BICRA: variants seen among roughly 807,000 people sequenced by gnomAD.
The protein encoded by BICRA is BRD4-interacting chromatin-remodeling complex-associated protein.
In BICRA, 31 loss-of-function variants were observed where a neutral mutation model predicts 96.9. The ratio of observed to expected loss-of-function variants is 0.32; its 90% confidence interval spans 0.24 to 0.43. BICRA has a LOEUF of 0.43. BICRA is among the 20% of genes least tolerant of loss of function. The pLI is 1.00. For synonymous variants in BICRA, 1,350 were observed against 1,071.8 expected, an observed-to-expected ratio of 1.26 and a Z score of -5.07; for missense variants, 2,283 against 2,190.3, an observed-to-expected ratio of 1.04 and a Z score of -0.84.
intron 4 of BICRA, among the ~76,000 whole-genome samples, chr19:47,674,647 C>T: frequency 6.6e-6 from 1 of 152,172 alleles, no homozygotes; most frequent in East Asian, 1.9e-4. Flanking sequence ...TGCAGTCATC[C>T]AAAGGTTTGA....
chr19:47,623,700 G>C (rs1290710907), intron 1 of BICRA, among the ~76,000 whole-genome samples: 1 of 152,176 alleles, frequency 6.6e-6, no homozygotes, highest in African/African-American at 2.4e-5. Context: ...AGGCGGGGAG[G>C]CATCAGGGTA....
At chr19:47,630,743 C>G (rs930902400) in intron 1 of BICRA, among the ~76,000 whole-genome samples, 1 of 152,200 alleles carries the variant, frequency 6.6e-6, no homozygotes, top group South Asian at 2.1e-4. Flanking sequence ...ATCTGTTTGA[C>G]TTTTTGCCTT....
chr19:47,681,085 C>A lies in BICRA; in HGVS notation c.1915C>A (p.Leu639Ile). The A allele has an allele frequency of 6.9e-7, 1 of 1,446,254 alleles. No individual in the cohort carries two copies. Among genetic ancestry groups the A allele is most frequent in the Non-Finnish European group, 9.1e-7 (1 of 1,099,138 alleles). 89.6% of individuals were successfully genotyped at this position (1,446,254 alleles called of 1,614,324 possible). The change falls in exon 6 of 15, where the codon CTC becomes ATC. Residue 639 changes from leucine to isoleucine, a missense_variant. By Grantham distance (5) the Leu-to-Ile change is conservative (BLOSUM62 2). Transcript: ENST00000594866. ...PAVSTPLPLG[L>I]QQPQAQQPPQ... ...GGTCAGCACACCCCTGCCCCTGGGC[C>A]TCCAGCAGCCGCAGGCGCAGCAGCC... is the stretch of plus-strand genomic sequence containing the variant.
At chr19:47,695,518 T>G in intron 10 of BICRA, 44 bp downstream of exon 10, 1 of 915,114 alleles carries the variant, frequency 1.1e-6, no homozygotes, top group Non-Finnish European at 1.7e-6. Context: ...ACCAGGAGTC[T>G]TCGGGAACTG....
At position 47,675,603 on chromosome 19, in the gene BICRA, G is replaced by A. The variant is rs1485397021; in HGVS notation, c.85-248G>A. Among the ~76,000 whole-genome samples, 1 of 152,214 alleles carries A rather than the reference G, an allele frequency of 6.6e-6. No individual in the cohort carries two copies. Among genetic ancestry groups the A allele is most frequent in the Non-Finnish European group, 1.5e-5 (1 of 68,032 alleles). On this transcript the variant is annotated intron_variant, in intron 4 of 14. Coordinates refer to ENST00000594866, the MANE Select transcript of BICRA (RefSeq NM_001394372.1). The surrounding 1 kb of genome is among the most constrained non-coding windows in gnomAD (Gnocchi z 4.7). ...AGGCAGGATTCCGGAATTCGAGGCA[G>A]TCACAGCAGGATCGCTTCGCAGGCC...
intron 9 of BICRA, 23 bp from the exon 10 acceptor site, chr19:47,695,342 T>TCGGGGGGCCCCCC: frequency 1.4e-5 from 9 of 630,182 alleles, no homozygotes; most frequent in Non-Finnish European, 2.0e-5. Flanking sequence ...AGGCCCTGTC[T>TCGGGGGGCCCCCC]CCCCCACCCC....
chr19:47,632,116 G>A (rs979574584), intron 1 of BICRA, among the ~76,000 whole-genome samples: 1 of 152,200 alleles, frequency 6.6e-6, no homozygotes, highest in Non-Finnish European at 1.5e-5. Flanking sequence ...TTTGAGCTGG[G>A]GAGTGACCCG....
At chr19:47,671,907 A>ATGGAG (rs1972868783) in intron 2 of BICRA, among the ~76,000 whole-genome samples, 1 of 44,356 alleles carries the variant, frequency 2.3e-5, no homozygotes, top group African/African-American at 8.9e-5. Flanking sequence ...ATGGATGGAG[A>ATGGAG]GATGGGTAAG....
chr19:47,680,729 T>C lies in BICRA; in HGVS notation c.1559T>C (p.Leu520Pro). 1 of 1,604,088 alleles carries C rather than the reference T, an allele frequency of 6.2e-7. No homozygotes were observed. Among genetic ancestry groups the C allele is most frequent in the Non-Finnish European group, 8.5e-7 (1 of 1,176,170 alleles). Residue 520 changes from leucine (L) to proline (P), a missense_variant, in exon 6 of 15, where the codon CTG becomes CCG. Physicochemically the swap from Leu to Pro is moderately conservative, Grantham distance 98. Transcript: ENST00000594866. ...AACCCCATCCTCACAAACCAGAACCTGGCGGGCCCACTGAGCCTGGGCCCC... is the reference window on the plus strand; with the variant it reads ...AACCCCATCCTCACAAACCAGAACCCGGCGGGCCCACTGAGCCTGGGCCCC... ...IANPILTNQNLAGPLSLGPVL... is the reference protein window; with the variant it reads ...IANPILTNQNPAGPLSLGPVL...
At chr19:47,657,516 C>T (rs534968619) in intron 1 of BICRA, among the ~76,000 whole-genome samples, 34 of 152,074 alleles carry the variant, frequency 2.2e-4, no homozygotes, top group African/African-American at 7.2e-4. Flanking sequence ...CCTGCCTCAG[C>T]CTCCCAAGTA....
At chr19:47,634,602 A>T (rs1312532485) in intron 1 of BICRA, among the ~76,000 whole-genome samples, 8 of 152,058 alleles carry the variant, frequency 5.3e-5, no homozygotes. Flanking sequence ...TCTCCTCCCC[A>T]GGAAGAAACC....
chr19:47,636,417 C>G (rs4802374), intron 1 of BICRA, among the ~76,000 whole-genome samples: 4 of 152,140 alleles, frequency 2.6e-5, no homozygotes, highest in Admixed American at 2.6e-4. Context: ...CTTTGTTGCC[C>G]AGGTTGGTCT....
chr19:47,680,773 G>C lies in BICRA; in HGVS notation c.1603G>C (p.Gly535Arg). 6.2e-7 allele frequency: 1 copy of C among 1,609,970 alleles called. No individual in the cohort carries two copies. Among genetic ancestry groups the C allele is most frequent in the Admixed American group, 1.7e-5 (1 of 59,778 alleles). ...GGGCCCCGTGTTGGCCCCCCACTCC[G>C]GGGCCCACAGCGCGCACATCCTCTC... is the stretch of plus-strand genomic sequence containing the variant. ...SLGPVLAPHS[G>R]AHSAHILSAA... is the part of the protein sequence containing the mutation. Residue 535 changes from glycine to arginine, a missense_variant, in exon 6 of 15, where the codon GGG (glycine) becomes CGG (arginine). Transcript: ENST00000594866.
At chr19:47,687,821 C>CAA (rs5828311) in intron 7 of BICRA, among the ~76,000 whole-genome samples, 55,423 of 123,152 alleles carry the variant, frequency 0.45, 12,096 homozygotes, top group East Asian at 0.64. Flanking sequence ...GACTCTGCCT[C>CAA]AAAAAAAAAA....
chr19:47,664,097 CA>C (rs1300148525), intron 1 of BICRA, among the ~76,000 whole-genome samples: 1 of 152,174 alleles, frequency 6.6e-6, no homozygotes, highest in East Asian at 1.9e-4. Context: ...TTTTGAAAAG[CA>C]ACAGATAGAC....
At chr19:47,620,251 G>T (rs115049545) in intron 1 of BICRA, among the ~76,000 whole-genome samples, 1 of 152,184 alleles carries the variant, frequency 6.6e-6, no homozygotes, top group Admixed American at 6.5e-5. Context: ...AGCTCCTGGT[G>T]TGCAGTAGGT....
At chr19:47,685,786 T>TGTGTGTGTGTGTGTGTGC in intron 7 of BICRA, among the ~76,000 whole-genome samples, 37 of 117,962 alleles carry the variant, frequency 3.1e-4, no homozygotes, top group East Asian at 1.4e-3. Flanking sequence ...TGTGTGTGTG[T>TGTGTGTGTGTGTGTGTGC]GCGCGCGCGC....
rs187329472 is a variant in BICRA at position 47,631,246 on chromosome 19, G to A, written c.-108+22078G>A. 9.2e-5 allele frequency among the ~76,000 whole-genome samples: 14 copies of A among 151,796 alleles called. No individual in the cohort carries two copies. In the East Asian group the frequency reaches 9.7e-4, roughly 10 times the overall value. On this transcript the variant is annotated intron_variant, in intron 1 of 14. Transcript: ENST00000594866. ...ATTTTTTATTTTATTTTATTTTTTT[G>A]AGACTGAGTCATACTCTGTCACCCA...
chr19:47,686,115 G>C (rs1973154944), intron 7 of BICRA, among the ~76,000 whole-genome samples: 1 of 151,960 alleles, frequency 6.6e-6, no homozygotes, highest in Non-Finnish European at 1.5e-5. Flanking sequence ...ATTTTTAGTA[G>C]AGACAGGTTT....
Sources: gnomAD v4.1 joint callset for allele counts (sites outside exome capture counted in the v4.1 genomes callset) on GRCh38, gnomAD v4.1.1 for gene constraint, Gnocchi (gnomAD v3.1) non-coding constraint, MANE v1.5 for transcripts, NCBI Gene and HGNC (gene_info 2026-07-23, HGNC 2026-07-21) for gene names.